DNER: variants seen among roughly 807,000 people sequenced by gnomAD.
The protein encoded by DNER is delta and Notch-like epidermal growth factor-related receptor.
In DNER, 33 loss-of-function variants were observed where a neutral mutation model predicts 78.2. That is an observed-to-expected ratio of 0.42 (90% CI 0.32 to 0.56). The LOEUF (loss-of-function observed/expected upper bound fraction) is 0.56. DNER is among the 20% of genes least tolerant of loss of function. DNER has a pLI of 0.11. For synonymous variants in DNER, 417 were observed against 384.8 expected (o/e 1.08, Z -0.98); for missense variants, 918 against 975.3 (o/e 0.94, Z 0.78).
At chr2:229,676,190 G>C (rs573226298) in intron 1 of DNER, among the ~76,000 whole-genome samples, 6 of 152,200 alleles carry the variant, frequency 3.9e-5, no homozygotes, top group Non-Finnish European at 5.9e-5. Flanking sequence ...TGCCTTACAA[G>C]AGGAGCATCA....
At chr2:229,390,371 G>T (rs965627498) in intron 10 of DNER, among the ~76,000 whole-genome samples, 1 of 152,206 alleles carries the variant, frequency 6.6e-6, no homozygotes, top group Non-Finnish European at 1.5e-5. Context: ...GCAGTCCCAG[G>T]GCTATCAGTT....
intron 5 of DNER, among the ~76,000 whole-genome samples, chr2:229,513,323 A>G (rs1695909287): frequency 6.6e-6 from 1 of 152,224 alleles, no homozygotes; most frequent in Non-Finnish European, 1.5e-5. Flanking sequence ...AACCTTCAAC[A>G]GAGATAGCAC....
At chr2:229,512,706 C>T (rs928841886) in intron 6 of DNER, 77 bp downstream of exon 6, 3 of 1,556,384 alleles carry the variant, frequency 1.9e-6, no homozygotes, top group African/African-American at 1.4e-5. Context: ...TCTCCAAAAA[C>T]CTTTGTAAAT....
chr2:229,549,729 G>T (rs554368932), intron 4 of DNER, among the ~76,000 whole-genome samples: 8 of 151,994 alleles, frequency 5.3e-5, no homozygotes, highest in Non-Finnish European at 1.2e-4. Flanking sequence ...GGCCAATATG[G>T]TGAAACCCCC....
chr2:229,461,957 C>A (rs1259098098), intron 7 of DNER, among the ~76,000 whole-genome samples: 1 of 151,826 alleles, frequency 6.6e-6, no homozygotes, highest in Non-Finnish European at 1.5e-5. Context: ...GATTTTAAAA[C>A]AAGGGAAAAG....
rs576562562 is a variant in DNER, at chr2:229,530,479, C to T, written c.993+16468G>A. Among the ~76,000 whole-genome samples the T allele has an allele frequency of 8.5e-5, 13 of 152,312 alleles. No individual in the cohort carries two copies. The South Asian group carries it at 2.3e-3, about 27-fold the overall frequency. On this transcript the variant is annotated intron_variant, in intron 5 of 12. Transcript: ENST00000341772. ...GCACATATCACATAACCACTTCTGTCTGAGGACTGAGCCACAGCTCAAATT... is the reference window on the plus strand; with the variant it reads ...GCACATATCACATAACCACTTCTGTTTGAGGACTGAGCCACAGCTCAAATT...
intron 8 of DNER, among the ~76,000 whole-genome samples, chr2:229,428,684 A>C (rs918993755): frequency 1.3e-5 from 2 of 151,652 alleles, no homozygotes; most frequent in African/African-American, 4.8e-5. Context: ...AAAAAAAAAA[A>C]TCAGTTCATT....
intron 9 of DNER, among the ~76,000 whole-genome samples, chr2:229,410,444 G>A (rs1159075001): frequency 6.6e-6 from 1 of 152,186 alleles, no homozygotes; most frequent in Admixed American, 6.5e-5. Flanking sequence ...ACACAGGTGA[G>A]GCTGCCAGAG....
intron 8 of DNER, among the ~76,000 whole-genome samples, chr2:229,435,326 C>T (rs747357332): frequency 1.3e-5 from 2 of 152,152 alleles, no homozygotes; most frequent in South Asian, 4.1e-4. Flanking sequence ...AGCTGGCTTG[C>T]CAGCTGACCA....
intron 1 of DNER, among the ~76,000 whole-genome samples, chr2:229,667,935 G>C (rs959938927): frequency 3.3e-5 from 5 of 152,236 alleles, no homozygotes; most frequent in African/African-American, 1.2e-4. Flanking sequence ...TTTGGCCATG[G>C]AGGGACTCAT....
At chr2:229,603,873 G>T (rs571538330) in intron 1 of DNER, among the ~76,000 whole-genome samples, 3 of 152,284 alleles carry the variant, frequency 2.0e-5, no homozygotes, top group African/African-American at 7.2e-5. Flanking sequence ...TTCCTTGGTT[G>T]TCATATTTAA....
At chr2:229,638,611 C>T (rs906830499) in intron 1 of DNER, among the ~76,000 whole-genome samples, 1 of 152,098 alleles carries the variant, frequency 6.6e-6, no homozygotes. Context: ...GGGTATCTTC[C>T]CTCACTATAT....
intron 8 of DNER, 40 bp from the exon 9 acceptor site, chr2:229,418,270 C>T (rs760585081): frequency 1.2e-6 from 2 of 1,612,470 alleles, no homozygotes; most frequent in Admixed American, 3.3e-5. Context: ...AAATGCATCC[C>T]ATTTACAACC....
rs1358290623 is a variant in DNER at position 229,418,136 on chromosome 2, A to T, written c.1581T>A (p.Tyr527Ter). 6.2e-7 allele frequency: 1 copy of T among 1,614,172 alleles called. No homozygotes were observed. Among genetic ancestry groups the T allele is most frequent in the Non-Finnish European group, 8.5e-7 (1 of 1,180,002 alleles). ...AATCRDLVNG[Y>*]ECVCLAEYKG... is the part of the protein sequence containing the mutation. ...TGTATTCTGCCAGGCACACACACTC[A>T]TAGCCATTAACGAGGTCCCTGCAGG... The change falls in exon 9 of 13, where the codon TAT (tyrosine) becomes TAA (stop). Residue 527 changes from tyrosine to a stop codon, truncating the protein, a stop_gained. Transcript: ENST00000341772. LOFTEE classifies it high-confidence loss of function.
intron 1 of DNER, among the ~76,000 whole-genome samples, chr2:229,617,965 A>G (rs1698194747): frequency 6.6e-6 from 1 of 152,166 alleles, no homozygotes; most frequent in African/African-American, 2.4e-5. Context: ...ACTGTCTCAA[A>G]AAACAAAAAA....
chr2:229,676,682 G>A (rs1699305977), intron 1 of DNER, among the ~76,000 whole-genome samples: 1 of 152,124 alleles, frequency 6.6e-6, no homozygotes, highest in Non-Finnish European at 1.5e-5. Context: ...CTACAGACAT[G>A]TCTCCCAAGG....
chr2:229,506,424 T>G (rs7598686), intron 6 of DNER, among the ~76,000 whole-genome samples: 70,659 of 151,906 alleles, frequency 0.47, 18,156 homozygotes, highest in African/African-American at 0.7. Context: ...AAGGGGAGAT[T>G]TGGGTAGGGA....
chr2:229,472,274 T>C (rs1438951705), intron 7 of DNER, among the ~76,000 whole-genome samples: 2 of 152,228 alleles, frequency 1.3e-5, no homozygotes, highest in African/African-American at 4.8e-5. Flanking sequence ...TGGTCTCTGA[T>C]TGCCATATGT....
intron 1 of DNER, among the ~76,000 whole-genome samples, chr2:229,593,229 G>A (rs772178838): frequency 1.3e-5 from 2 of 151,708 alleles, no homozygotes; most frequent in Non-Finnish European, 2.9e-5. Flanking sequence ...GCTCTTTTTG[G>A]TCAGGCCCCT....
Sources: allele counts gnomAD v4.1 joint callset (sites outside exome capture counted in the v4.1 genomes callset), GRCh38; gene constraint gnomAD v4.1.1; transcripts MANE v1.5; gene names NCBI Gene and HGNC (gene_info 2026-07-23, HGNC 2026-07-21).